The following PLXNA4 variants were observed in gnomAD, a reference collection of about 807,000 sequenced individuals.
PLXNA4 encodes the protein plexin A4.
Under a neutral mutation model 191.8 loss-of-function variants are expected in PLXNA4, and 44 were observed. The observed-to-expected ratio is 0.23, with a 90% CI of 0.18 to 0.29. The LOEUF is 0.29. Among genes scored for constraint, PLXNA4 ranks in the 10% least tolerant of loss-of-function variants. The probability of loss-of-function intolerance (pLI) is 1.00; values close to 1 mark genes in which losing one functional copy is unlikely to be tolerated. For missense variants in PLXNA4, 1,800 were observed against 2,488.8 expected, an observed-to-expected ratio of 0.72 and a Z score of 5.89; for synonymous variants, 1,082 against 1,009.5, an observed-to-expected ratio of 1.07 and a Z score of -1.36.
chr7:132,411,103 T>C (rs1015077416), intron 3 of PLXNA4, among the ~76,000 whole-genome samples: 1 of 152,202 alleles, frequency 6.6e-6, no homozygotes, highest in Non-Finnish European at 1.5e-5. Flanking sequence ...ATGTGCTTGA[T>C]CTCATGTTTT....
intron 4 of PLXNA4, among the ~76,000 whole-genome samples, chr7:132,242,566 T>A (rs1031122135): frequency 6.6e-6 from 1 of 152,142 alleles, no homozygotes; most frequent in Non-Finnish European, 1.5e-5. Context: ...TATGCATCTT[T>A]TTGTTCTCCA....
intron 25 of PLXNA4, among the ~76,000 whole-genome samples, chr7:132,152,944 C>T (rs1434622601): frequency 1.3e-5 from 2 of 152,222 alleles, no homozygotes; most frequent in Non-Finnish European, 2.9e-5. Context: ...ACTCATTCAT[C>T]AAAGAACACT....
intron 30 of PLXNA4, among the ~76,000 whole-genome samples, chr7:132,135,914 G>A (rs1280898398): frequency 1.3e-5 from 2 of 152,124 alleles, no homozygotes; most frequent in African/African-American, 2.4e-5. Context: ...ATTGACAGGT[G>A]GGCCAACTGC....
At position 132,431,054 on chromosome 7, in the gene PLXNA4, C is replaced by T. The variant is rs114296577; in HGVS notation, c.1371+58238G>A. Among the ~76,000 whole-genome samples, 925 of 152,226 alleles carry T rather than the reference C, an allele frequency of 6.1e-3. 12 individuals carry two copies. Among genetic ancestry groups the T allele is most frequent in the African/African-American group, 0.021 (873 of 41,520 alleles). On this transcript the variant is annotated intron_variant, in intron 3 of 31. Coordinates refer to ENST00000321063, the MANE Select transcript of PLXNA4 (RefSeq NM_020911.2). ...CACTTACTCCCTGTAAATGATCAGT[C>T]CTTTCTAGAACCCAGTTTCCCTATC...
intron 9 of PLXNA4, among the ~76,000 whole-genome samples, chr7:132,219,057 T>C (rs1425962325): frequency 6.6e-6 from 1 of 152,116 alleles, no homozygotes; most frequent in Non-Finnish European, 1.5e-5. Context: ...ATTCCTGAGA[T>C]GCAAGATGGT....
chr7:132,261,650 G>A (rs1437122885), intron 4 of PLXNA4, among the ~76,000 whole-genome samples: 1 of 152,244 alleles, frequency 6.6e-6, no homozygotes, highest in Non-Finnish European at 1.5e-5. Flanking sequence ...TGAATGATGG[G>A]AGTGGGTCAG....
At chr7:132,357,145 G>C (rs1585030774) in intron 3 of PLXNA4, among the ~76,000 whole-genome samples, 1 of 152,184 alleles carries the variant, frequency 6.6e-6, no homozygotes, top group Non-Finnish European at 1.5e-5. Context: ...CATGTGGCTA[G>C]AGACACCATC....
chr7:132,528,710 C>T (rs779893597), intron 1 of PLXNA4, among the ~76,000 whole-genome samples: 4 of 152,204 alleles, frequency 2.6e-5, no homozygotes, highest in South Asian at 2.1e-4. Flanking sequence ...ACTTCTTGTG[C>T]CCATGAGAGA....
intron 2 of PLXNA4, among the ~76,000 whole-genome samples, chr7:132,497,153 T>A (rs951484595): frequency 3.4e-5 from 5 of 148,676 alleles, no homozygotes; most frequent in Non-Finnish European, 7.5e-5. Flanking sequence ...CATACACATA[T>A]CCTGGTTGCT....
At chr7:132,150,149 G>T (rs1234076951) in intron 25 of PLXNA4, among the ~76,000 whole-genome samples, 1 of 152,206 alleles carries the variant, frequency 6.6e-6, no homozygotes, top group Non-Finnish European at 1.5e-5. Flanking sequence ...TCCTGTGGAT[G>T]TCACAGCTGG....
chr7:132,587,581 C>A (rs982463272), intron 2 of PLXNA4, among the ~76,000 whole-genome samples: 1 of 152,082 alleles, frequency 6.6e-6, no homozygotes, highest in African/African-American at 2.4e-5. Context: ...GTGCCATAAG[C>A]TTTGCATTGA....
At chr7:132,389,008 A>G (rs1014758423) in intron 3 of PLXNA4, among the ~76,000 whole-genome samples, 6 of 152,172 alleles carry the variant, frequency 3.9e-5, no homozygotes, top group African/African-American at 1.4e-4. Context: ...AAAGGGCCCC[A>G]CTGATGACCA....
chr7:132,298,902 C>T (rs1801204352), intron 3 of PLXNA4, among the ~76,000 whole-genome samples: 1 of 152,368 alleles, frequency 6.6e-6, no homozygotes, highest in East Asian at 1.9e-4. Context: ...CTGAATAGAT[C>T]ATCCCCGGCC....
At chr7:132,350,377 G>A (rs981310495) in intron 3 of PLXNA4, among the ~76,000 whole-genome samples, 14 of 151,988 alleles carry the variant, frequency 9.2e-5, no homozygotes, top group African/African-American at 2.4e-4. Flanking sequence ...ATGGTGGTGC[G>A]CACCTGTAGT....
intron 3 of PLXNA4, among the ~76,000 whole-genome samples, chr7:132,410,143 G>T (rs1429852361): frequency 6.6e-6 from 1 of 152,186 alleles, no homozygotes; most frequent in African/African-American, 2.4e-5. Context: ...TTGGGGGATG[G>T]CAACAGTTTT....
intron 1 of PLXNA4, among the ~76,000 whole-genome samples, chr7:132,556,993 CA>C (rs1445837338): frequency 3.9e-5 from 6 of 152,120 alleles, no homozygotes; most frequent in African/African-American, 1.4e-4. Flanking sequence ...TTTTAGGCTT[CA>C]AAAAATATTA....
At chr7:132,226,395 G>C in intron 7 of PLXNA4, 135 bp from the exon 8 acceptor site, 2 of 668,772 alleles carry the variant, frequency 3.0e-6, no homozygotes, top group Non-Finnish European at 2.6e-6. Context: ...TGACTCAGCA[G>C]ACCCAGTCCC....
intron 3 of PLXNA4, among the ~76,000 whole-genome samples, chr7:132,333,050 A>T (rs772393038): frequency 6.6e-6 from 1 of 152,178 alleles, no homozygotes; most frequent in African/African-American, 2.4e-5. Flanking sequence ...AACTGCTTTC[A>T]TGACACATTA....
intron 1 of PLXNA4, among the ~76,000 whole-genome samples, chr7:132,575,383 CA>C (rs1802179978): frequency 6.6e-6 from 1 of 152,210 alleles, no homozygotes; most frequent in Non-Finnish European, 1.5e-5. Context: ...CTGGCAGACC[CA>C]CGAATGCCTT....
Sources: gnomAD v4.1 joint callset for allele counts (sites outside exome capture counted in the v4.1 genomes callset) on GRCh38, gnomAD v4.1.1 for gene constraint, MANE v1.5 for transcripts, NCBI Gene and HGNC (gene_info 2026-07-23, HGNC 2026-07-21) for gene names.